The following FANCD2 variants were observed in gnomAD, a reference collection of about 807,000 sequenced individuals.
The protein encoded by FANCD2 is FA complementation group D2.
A neutral mutation model predicts 192.3 loss-of-function variants in FANCD2; 131 were observed. The ratio of observed to expected loss-of-function variants is 0.68; its 90% confidence interval spans 0.59 to 0.79. The LOEUF is 0.79. Among genes scored for constraint, FANCD2 ranks in the 30% least tolerant of loss-of-function variants. The pLI, the probability that FANCD2 is intolerant of heterozygous loss-of-function variation, is 0.00. For synonymous variants in FANCD2, 524 were observed against 612.5 expected (o/e 0.86, Z 2.13); for missense variants, 1,508 against 1,701.6 (o/e 0.89, Z 2.00).
chr3:10,069,744 G>A (rs1388870591), intron 26 of FANCD2, among the ~76,000 whole-genome samples: 4 of 152,268 alleles, frequency 2.6e-5, no homozygotes, highest in African/African-American at 7.2e-5. Context: ...GATTGCAGAC[G>A]GAGTCTGGTT....
chr3:10,089,285 C>CAA (rs762191428), intron 36 of FANCD2, among the ~76,000 whole-genome samples: 1 of 141,204 alleles, frequency 7.1e-6, no homozygotes, highest in Non-Finnish European at 1.5e-5. Flanking sequence ...AACTCCATCT[C>CAA]AAAAAAAAAA....
In FANCD2 at chr3:10,041,709, A is replaced by T. The variant is rs778289599; in HGVS notation, c.782A>T (p.Lys261Met). 1.4e-5 allele frequency: 22 copies of T among 1,612,332 alleles called. No homozygotes were observed. The highest frequency in any genetic ancestry group is 1.8e-5 in the Non-Finnish European group (21 of 1,178,496). The stretch of plus-strand genomic sequence containing the variant: ...CGACTTGACCCAAACTTCCTATTGA[A>T]GGTAGAAAAGACTCAGCTTTCCAGA... ...SLRLDPNFLL[K>M]VRQLVMDKLS... Residue 261 changes from lysine (K) to methionine (M), a missense_variant and splice_region_variant, in exon 10 of 44, where the codon AAG becomes ATG. Coordinates refer to ENST00000675286, the MANE Select transcript of FANCD2 (RefSeq NM_001018115.3).
chr3:10,059,422 A>C (rs182706327), intron 18 of FANCD2, among the ~76,000 whole-genome samples: 1 of 152,358 alleles, frequency 6.6e-6, no homozygotes, highest in African/African-American at 2.4e-5. Context: ...AAATAATAAC[A>C]ATAAAAGATA....
At chr3:10,080,994 C>G in intron 30 of FANCD2, 106 bp from the exon 31 acceptor site, 10 of 1,229,636 alleles carry the variant, frequency 8.1e-6, no homozygotes, top group Non-Finnish European at 1.2e-5. Context: ...TTTCTCCCAT[C>G]TGCTCCTACC....
At chr3:10,046,245 G>A (rs904121496) in intron 14 of FANCD2, among the ~76,000 whole-genome samples, 7 of 151,700 alleles carry the variant, frequency 4.6e-5, no homozygotes, top group Non-Finnish European at 8.8e-5. Context: ...AGTAGAGACG[G>A]GGTTTCACCG....
intron 20 of FANCD2, among the ~76,000 whole-genome samples, chr3:10,062,752 C>G (rs775357192): frequency 7.0e-4 from 106 of 152,060 alleles, no homozygotes; most frequent in Admixed American, 3.7e-3. Context: ...ACTCTGTCGC[C>G]AAGGCTGGAG....
rs573906340 is a variant in FANCD2 at position 10,035,225 on chromosome 3, A to G, written c.430A>G (p.Ile144Val). The G allele has an allele frequency of 2.5e-6, 4 of 1,613,416 alleles. No homozygotes were observed. The highest frequency in any genetic ancestry group is 2.2e-5 in the South Asian group (2 of 91,066). ...SLIKLLLGID[I>V]LQPAIIKTLF... is the part of the protein sequence containing the mutation. Reference sequence around the variant, plus strand: ...CATCAAACTGCTTCTGGGGATTGACATACTGCAGGTAAGACTGTCACTTTT... The same window carrying G: ...CATCAAACTGCTTCTGGGGATTGACGTACTGCAGGTAAGACTGTCACTTTT... The change falls in exon 6 of 44, where the codon ATA (isoleucine) becomes GTA (valine). Residue 144 changes from isoleucine to valine, a missense_variant. Physicochemically the swap from Ile to Val is conservative, Grantham distance 29. Around this residue, in one of 5 missense-constraint regions of FANCD2, gnomAD observed 435 missense variants for 421.9 expected, o/e 1.03. Transcript: ENST00000675286.
At chr3:10,037,007 C>A (rs1181292223) in intron 7 of FANCD2, among the ~76,000 whole-genome samples, 1 of 140,110 alleles carries the variant, frequency 7.1e-6, no homozygotes. Flanking sequence ...AGCTAATTTT[C>A]GTGGTTTTTT....
At position 10,042,566 on chromosome 3, in the gene FANCD2, A is replaced by G; in HGVS notation, c.791A>G (p.Gln264Arg). Residue 264 changes from glutamine (Q) to arginine (R), a missense_variant, in exon 11 of 44, where the codon CAG (glutamine) becomes CGG (arginine). Gln to Arg is a conservative substitution (Grantham distance 43, BLOSUM62 1). Around this residue, in one of 5 missense-constraint regions of FANCD2, gnomAD observed 435 missense variants for 421.9 expected, o/e 1.03. Coordinates refer to ENST00000675286, the MANE Select transcript of FANCD2 (RefSeq NM_001018115.3). ...TGTGCTTTTAATTTTTAGGTTCGCC[A>G]GTTGGTGATGGATAAGTTGTCGTCT... is the stretch of plus-strand genomic sequence containing the variant. ...LDPNFLLKVR[Q>R]LVMDKLSSIR... 6.2e-7 allele frequency: 1 copy of G among 1,613,720 alleles called. No homozygotes were observed. Among genetic ancestry groups the G allele is most frequent in the Non-Finnish European group, 8.5e-7 (1 of 1,179,618 alleles).
At chr3:10,070,473 C>A (rs1218209899) in intron 26 of FANCD2, among the ~76,000 whole-genome samples, 3 of 19,038 alleles carry the variant, frequency 1.6e-4, no homozygotes, top group Non-Finnish European at 3.8e-4. Flanking sequence ...AGCTCCTCTG[C>A]CGGGCCAGCC....
intron 40 of FANCD2, 66 bp from the exon 41 acceptor site, chr3:10,095,133 AG>A: frequency 7.6e-7 from 1 of 1,318,592 alleles, no homozygotes; most frequent in Admixed American, 1.7e-5. Flanking sequence ...TTTGATTGCA[AG>A]GGTATCTTGA....
intron 3 of FANCD2, 73 bp downstream of exon 3, chr3:10,033,045 TA>T: frequency 8.3e-7 from 1 of 1,206,286 alleles, no homozygotes; most frequent in Non-Finnish European, 1.2e-6. Flanking sequence ...GTTTTCTAAA[TA>T]GAGAGGCAAT....
At chr3:10,068,485 A>C (rs2087781108) in intron 26 of FANCD2, among the ~76,000 whole-genome samples, 1 of 152,194 alleles carries the variant, frequency 6.6e-6, no homozygotes, top group Admixed American at 6.5e-5. Flanking sequence ...TTGATGCAAG[A>C]AATTAAAGAG....
chr3:10,087,969 T>C (rs1694324973), intron 34 of FANCD2, among the ~76,000 whole-genome samples: 1 of 152,178 alleles, frequency 6.6e-6, no homozygotes, highest in Non-Finnish European at 1.5e-5. Context: ...TTAAACTGTC[T>C]TTTATTGTAG....
rs1343786210 is a variant in FANCD2, at chr3:10,052,427, T to A, written c.1586T>A (p.Ile529Lys). The change falls in exon 18 of 44, where the codon ATA becomes AAA. Residue 529 changes from isoleucine to lysine, a missense_variant. Around this residue, in one of 5 missense-constraint regions of FANCD2, gnomAD observed 110 missense variants for 114.4 expected, o/e 0.96. Coordinates refer to ENST00000675286, the MANE Select transcript of FANCD2 (RefSeq NM_001018115.3). ...DYLDNISPQQIRKLFYVLSTL... is the reference protein window; with the variant it reads ...DYLDNISPQQKRKLFYVLSTL... ...CTGGATAACATATCCCCTCAGCAAA[T>A]ACGAAAACTCTTCTATGTTCTCAGC... 5 of 1,613,260 alleles carry A rather than the reference T, an allele frequency of 3.1e-6. 1 individual carries two copies. In the African/African-American group the frequency reaches 5.3e-5, roughly 17 times the overall value.
At chr3:10,055,825 T>TAATA (rs544399792) in intron 18 of FANCD2, among the ~76,000 whole-genome samples, 76 of 151,774 alleles carry the variant, frequency 5.0e-4, no homozygotes, top group East Asian at 3.3e-3. Context: ...AAAAAAATAA[T>TAATA]AATAAATAAA....
In FANCD2 at chr3:10,092,205, T is replaced by C. The variant is rs1196009515; in HGVS notation, c.3802T>C (p.Trp1268Arg). ...QQIHEEKLLY[W>R]NMAVRDFSIL... ...GATTCATGAAGAGAAACTCCTCTAC[T>C]GGAACATGGCTGTTCGAGACTTCAG... Residue 1268 changes from tryptophan to arginine, a missense_variant, in exon 38 of 44, where the codon TGG becomes CGG. Trp to Arg is a moderately radical substitution (Grantham distance 101). This residue lies in a region of FANCD2 where 796 missense variants were observed against 879.4 expected (regional missense o/e 0.91). Transcript: ENST00000675286. 6.2e-7 allele frequency: 1 copy of C among 1,614,102 alleles called. No individual in the cohort carries two copies. The highest frequency in any genetic ancestry group is 8.5e-7 in the Non-Finnish European group (1 of 1,179,924).
chr3:10,096,977 G>C (rs1428284092), intron 42 of FANCD2, among the ~76,000 whole-genome samples: 3 of 152,190 alleles, frequency 2.0e-5, no homozygotes, highest in African/African-American at 7.2e-5. Flanking sequence ...GAGTACAAAA[G>C]AGAGAAATTT....
chr3:10,088,927 C>T lies in FANCD2; in HGVS notation c.3660C>T (p.Ser1220=), dbSNP rs1559404961. 3 of 1,613,804 alleles carry T rather than the reference C, an allele frequency of 1.9e-6. No individual in the cohort carries two copies. The South Asian group carries it at 3.3e-5, about 18-fold the overall frequency. Residue 1220 remains serine (S), a synonymous_variant, in exon 36 of 44, where the codon TCC becomes TCT. Transcript: ENST00000675286. ...TCAACTCTCCTAAAGATGCATCTTC[C>T]TCCACATTCCCTACACTGACCAGGT... ...ELINSPKDAS[S]STFPTLTRHT... is the part of the protein sequence containing the mutation.
Sources: gnomAD v4.1 joint callset for allele counts (sites outside exome capture counted in the v4.1 genomes callset) on GRCh38, gnomAD v4.1.1 for gene constraint, gnomAD v4.1.1 regional missense constraint, MANE v1.5 for transcripts, NCBI Gene and HGNC (gene_info 2026-07-23, HGNC 2026-07-21) for gene names.